MAML3: variants seen among roughly 807,000 people sequenced by gnomAD.
MAML3 encodes the protein mastermind-like protein 3.
MAML3 carries 27 observed loss-of-function variants against 101.9 expected under a neutral mutation model. That is an observed-to-expected ratio of 0.27 (90% CI 0.20 to 0.37). The LOEUF is 0.37. Among genes scored for constraint, MAML3 ranks in the 10% least tolerant of loss-of-function variants. The probability of loss-of-function intolerance (pLI) is 1.00; values close to 1 mark genes in which losing one functional copy is unlikely to be tolerated. For missense variants in MAML3, 1,316 were observed against 1,444.9 expected (o/e 0.91, Z 1.45); for synonymous variants, 501 against 555.9 (o/e 0.90, Z 1.39).
At chr4:139,869,586 G>T (rs528432184) in intron 2 of MAML3, among the ~76,000 whole-genome samples, 2 of 152,226 alleles carry the variant, frequency 1.3e-5, no homozygotes, top group African/African-American at 4.8e-5. Context: ...TGATCAAAAG[G>T]CATGCAGACA....
intron 1 of MAML3, among the ~76,000 whole-genome samples, chr4:140,013,560 AAG>A (rs1726599152): frequency 1.3e-5 from 2 of 152,184 alleles, no homozygotes; most frequent in Admixed American, 6.5e-5. Flanking sequence ...ACTTTTTTCT[AAG>A]AGTCTTAAAT....
At chr4:140,110,586 G>A (rs1241632107) in intron 1 of MAML3, among the ~76,000 whole-genome samples, 1 of 152,178 alleles carries the variant, frequency 6.6e-6, no homozygotes, top group African/African-American at 2.4e-5. Context: ...AACACTTTCT[G>A]TGGAAAAAAG....
intron 2 of MAML3, among the ~76,000 whole-genome samples, chr4:139,766,527 C>A (rs780094168): frequency 6.6e-6 from 1 of 152,084 alleles, no homozygotes; most frequent in Non-Finnish European, 1.5e-5. Flanking sequence ...AGGGGAACTG[C>A]CAACAATTTC....
chr4:140,095,869 G>A (rs1053386849), intron 1 of MAML3, among the ~76,000 whole-genome samples: 5 of 152,082 alleles, frequency 3.3e-5, no homozygotes, highest in East Asian at 1.9e-4. Context: ...CTTTGTTCAC[G>A]GACTCCCCAC....
At chr4:139,974,420 G>GT (rs1375039265) in intron 1 of MAML3, among the ~76,000 whole-genome samples, 2 of 152,016 alleles carry the variant, frequency 1.3e-5, no homozygotes, top group East Asian at 1.9e-4. Flanking sequence ...ATTGAACTTA[G>GT]TAAGTGTCTG....
chr4:140,060,276 G>A (rs1312809055), intron 1 of MAML3, among the ~76,000 whole-genome samples: 2 of 148,496 alleles, frequency 1.3e-5, no homozygotes, highest in Non-Finnish European at 3.0e-5. Flanking sequence ...TGAGGCAGGA[G>A]AATTGCTTGA....
intron 2 of MAML3, among the ~76,000 whole-genome samples, chr4:139,862,837 G>C (rs886996278): frequency 6.6e-6 from 1 of 152,202 alleles, no homozygotes. Context: ...ATATGGAGCA[G>C]TACAGGCTGG....
At chr4:140,006,704 T>A (rs776013336) in intron 1 of MAML3, among the ~76,000 whole-genome samples, 4 of 152,030 alleles carry the variant, frequency 2.6e-5, no homozygotes, top group Non-Finnish European at 4.4e-5. Context: ...TCTGTTGACC[T>A]CTAAAGTTCA....
At chr4:140,094,704 C>A (rs1347733039) in intron 1 of MAML3, among the ~76,000 whole-genome samples, 7 of 152,194 alleles carry the variant, frequency 4.6e-5, no homozygotes, top group Admixed American at 1.3e-4. Flanking sequence ...TTCTCTTCTT[C>A]TGGGCTCTTT....
chr4:139,747,382 G>A (rs1273552085), intron 2 of MAML3, among the ~76,000 whole-genome samples: 1 of 152,222 alleles, frequency 6.6e-6, no homozygotes, highest in East Asian at 1.9e-4. Context: ...GAATTCTAGG[G>A]GGAAGAACTT....
chr4:139,842,970 G>T (rs4863692), intron 2 of MAML3, among the ~76,000 whole-genome samples: 43,861 of 150,924 alleles, frequency 0.29, 7,297 homozygotes, highest in East Asian at 0.68. Flanking sequence ...TAAAGTCGGG[G>T]GGTTTTCACC....
chr4:139,946,444 A>G (rs1413148892), intron 1 of MAML3, among the ~76,000 whole-genome samples: 1 of 152,168 alleles, frequency 6.6e-6, no homozygotes, highest in African/African-American at 2.4e-5. Context: ...ATCTCAGTGC[A>G]ATAATTTTTT....
chr4:140,102,133 T>A (rs1051336165), intron 1 of MAML3, among the ~76,000 whole-genome samples: 1 of 152,210 alleles, frequency 6.6e-6, no homozygotes, highest in African/African-American at 2.4e-5. Flanking sequence ...AAATGGACAC[T>A]AGCCTGTGCT....
At chr4:139,832,280 T>A (rs1731181459) in intron 2 of MAML3, among the ~76,000 whole-genome samples, 1 of 143,984 alleles carries the variant, frequency 6.9e-6, no homozygotes, top group Non-Finnish European at 1.5e-5. Flanking sequence ...ATTTTTTTTT[T>A]TATTTTTATT....
chr4:140,034,603 A>G (rs2110896738), intron 1 of MAML3, among the ~76,000 whole-genome samples: 1 of 152,338 alleles, frequency 6.6e-6, no homozygotes, highest in Middle Eastern at 3.4e-3. Context: ...AACGCCATAT[A>G]GCACAGTGGT....
At chr4:139,754,164 A>C (rs1180361790) in intron 2 of MAML3, among the ~76,000 whole-genome samples, 1 of 152,272 alleles carries the variant, frequency 6.6e-6, no homozygotes, top group Admixed American at 6.5e-5. Context: ...TGCATAATGC[A>C]AACAATATTA....
At chr4:139,798,840 T>C (rs1007553682) in intron 2 of MAML3, among the ~76,000 whole-genome samples, 1 of 152,214 alleles carries the variant, frequency 6.6e-6, no homozygotes, top group African/African-American at 2.4e-5. Flanking sequence ...GGGAAAGTTG[T>C]CCAATTTAGC....
rs114342211 is a variant in MAML3, at chr4:140,105,942, A to C, written c.468+46918T>G. Among the ~76,000 whole-genome samples, 660 of 152,214 alleles carry C rather than the reference A, an allele frequency of 4.3e-3. 6 individuals are homozygous for C. Among genetic ancestry groups the C allele is most frequent in the African/African-American group, 0.015 (632 of 41,540 alleles). The stretch of plus-strand genomic sequence containing the variant: ...TAGCTTTCCAAATTCAAAAGATGTG[A>C]AATGAGCCAGCCTGGTTTTTCTACC... On this transcript the variant is annotated intron_variant, in intron 1 of 4. Coordinates refer to ENST00000509479, the MANE Select transcript of MAML3 (RefSeq NM_018717.5).
At chr4:139,887,153 C>T (rs1266083598) in intron 2 of MAML3, among the ~76,000 whole-genome samples, 1 of 152,126 alleles carries the variant, frequency 6.6e-6, no homozygotes, top group East Asian at 1.9e-4. Flanking sequence ...ATGTAATGAA[C>T]TATTCTGAGA....
Sources: gnomAD v4.1 joint callset for allele counts (sites outside exome capture counted in the v4.1 genomes callset) on GRCh38, gnomAD v4.1.1 for gene constraint, MANE v1.5 for transcripts, NCBI Gene and HGNC (gene_info 2026-07-23, HGNC 2026-07-21) for gene names.